The following SH3BP2 variants were observed in gnomAD, a reference collection of about 807,000 sequenced individuals.
SH3BP2 encodes SH3 domain binding protein 2, also known as SH3 domain-binding protein 2.
In SH3BP2, 38 loss-of-function variants were observed where a neutral mutation model predicts 56.2. That is an observed-to-expected ratio of 0.68 (90% CI 0.52 to 0.89). The LOEUF (loss-of-function observed/expected upper bound fraction) is 0.89, where lower values mean the gene tolerates loss of function less well. Ranked by LOEUF, SH3BP2 falls within the 40% of genes least tolerant of loss-of-function variation. SH3BP2 has a pLI of 0.00. For missense variants in SH3BP2, 748 were observed against 762.6 expected, an observed-to-expected ratio of 0.98 and a Z score of 0.23; for synonymous variants, 346 against 316.7, an observed-to-expected ratio of 1.09 and a Z score of -0.98.
At chr4:2,814,009 C>G (rs1192044919) in intron 1 of SH3BP2, among the ~76,000 whole-genome samples, 1 of 152,216 alleles carries the variant, frequency 6.6e-6, no homozygotes, top group East Asian at 1.9e-4. Flanking sequence ...CTGATCACCA[C>G]TAACAGTAAG....
Position 2,839,149 on chromosome 4 carries a change from CTTG to C in SH3BP2, c.*5320_*5322del, listed in dbSNP as rs1725332447. On this transcript the variant is annotated 3_prime_UTR_variant, in exon 13 of 13. Coordinates refer to ENST00000503393, the MANE Select transcript of SH3BP2 (RefSeq NM_001122681.2). ...CTATCATCTTTTGCCCATTTTTTAA[CTTG>C]TTGTCTTTTTCTTTTTCTTTTCTTT... 6.6e-6 allele frequency: 1 copy of C among 150,998 alleles called. No individual in the cohort carries two copies. The highest frequency in any genetic ancestry group is 1.9e-4 in the East Asian group (1 of 5,190). 9.4% of individuals were successfully genotyped at this position (150,998 alleles called of 1,614,324 possible). A position where few individuals can be genotyped will look rare whatever the true frequency, so the allele number is the denominator to read the frequency against.
intron 2 of SH3BP2, among the ~76,000 whole-genome samples, chr4:2,821,949 C>T (rs180913719): frequency 1.3e-4 from 20 of 152,190 alleles, no homozygotes; most frequent in Admixed American, 1.2e-3. Context: ...CTCACTGTAA[C>T]GTCCACCTCC....
intron 1 of SH3BP2, among the ~76,000 whole-genome samples, chr4:2,807,084 C>T (rs1334635795): frequency 3.3e-5 from 5 of 152,242 alleles, no homozygotes; most frequent in African/African-American, 7.2e-5. Flanking sequence ...GAACACACTG[C>T]GTCTTCTGGG....
At position 2,835,094 on chromosome 4, in the gene SH3BP2, CAG is replaced by C. The variant is rs1173584701; in HGVS notation, c.*1261_*1262del. The stretch of plus-strand genomic sequence containing the variant: ...GGCTGGATTTTTAATGAAACAGACT[CAG>C]GGAGGTAGGGGCTGGCAGGGACCCT... On this transcript the variant is annotated 3_prime_UTR_variant, in exon 13 of 13. Transcript: ENST00000503393. The C allele has an allele frequency of 6.6e-6, 1 of 152,212 alleles. No homozygotes were observed. Among genetic ancestry groups the C allele is most frequent in the Non-Finnish European group, 1.5e-5 (1 of 68,040 alleles). The allele number at this position is 152,212 out of a possible 1,614,324, so 9.4% of individuals were successfully genotyped here. A position where few individuals can be genotyped will look rare whatever the true frequency, so the allele number is the denominator to read the frequency against.
chr4:2,794,705 A>G (rs1193918883), intron 1 of SH3BP2, among the ~76,000 whole-genome samples: 1 of 152,228 alleles, frequency 6.6e-6, no homozygotes, highest in African/African-American at 2.4e-5. Flanking sequence ...CTCCAGGATC[A>G]TGGGGGAGCC....
intron 2 of SH3BP2, among the ~76,000 whole-genome samples, chr4:2,821,660 G>T (rs1271274523): frequency 1.3e-5 from 2 of 151,702 alleles, no homozygotes; most frequent in Non-Finnish European, 2.9e-5. Context: ...CCCAGGCTCA[G>T]GTGATCCCCT....
chr4:2,818,712 C>G (rs1222482114), intron 1 of SH3BP2: 2 of 995,288 alleles, frequency 2.0e-6, no homozygotes, highest in African/African-American at 3.5e-5. Flanking sequence ...GCCTTTGTTC[C>G]AAACCTTGGC....
intron 4 of SH3BP2, 120 bp from the exon 5 acceptor site, chr4:2,825,006 C>A: frequency 2.2e-6 from 2 of 917,500 alleles, no homozygotes; most frequent in Non-Finnish European, 3.5e-6. Flanking sequence ...TTGTATCCAG[C>A]CGGGTCGCCT....
intron 3 of SH3BP2, chr4:2,823,546 C>T (rs1724428132): frequency 4.4e-6 from 2 of 455,972 alleles, no homozygotes; most frequent in African/African-American, 4.0e-5. Flanking sequence ...ATGAGCTGCC[C>T]TGGAGGGCCT....
intron 1 of SH3BP2, among the ~76,000 whole-genome samples, chr4:2,806,391 G>C (rs994128684): frequency 6.6e-6 from 1 of 152,164 alleles, no homozygotes; most frequent in Non-Finnish European, 1.5e-5. Context: ...TGGTGGACCC[G>C]GCCCACCCCA....
rs1364685087 is a variant in SH3BP2 at position 2,835,491 on chromosome 4, GATCT to G, written c.*1662_*1665del. On this transcript the variant is annotated 3_prime_UTR_variant, in exon 13 of 13. Transcript: ENST00000503393. The stretch of plus-strand genomic sequence containing the variant: ...GAGCACAGGGAGCTTCTGTTGTTCT[GATCT>G]ATCTCTGGAAAACCAGCCATTCCTC... The G allele has an allele frequency of 1.3e-5, 2 of 152,282 alleles. No homozygotes were observed. The highest frequency in any genetic ancestry group is 2.9e-5 in the Non-Finnish European group (2 of 68,122). The allele number at this position is 152,282 out of a possible 1,614,324, so 9.4% of individuals were successfully genotyped here. A position where few individuals can be genotyped will look rare whatever the true frequency, so the allele number is the denominator to read the frequency against.
Position 2,796,515 on chromosome 4 carries a change from C to T in SH3BP2, c.-5+3377C>T, listed in dbSNP as rs1054514407. 3 of 951,698 alleles carry T rather than the reference C, an allele frequency of 3.2e-6. No homozygotes were observed. The South Asian group carries it at 1.5e-4, about 46-fold the overall frequency. The allele number at this position is 951,698 out of a possible 1,614,324, so 59.0% of individuals were successfully genotyped here. A position where few individuals can be genotyped will look rare whatever the true frequency, so the allele number is the denominator to read the frequency against. ...TCATGGATTCCGGTCACATCTGGTC[C>T]ATCTTTGTCAGCTGGCCTCTGGGAA... On this transcript the variant is annotated intron_variant, in intron 1 of 12. Transcript: ENST00000503393.
At chr4:2,802,199 G>C (rs1723308670) in intron 1 of SH3BP2, among the ~76,000 whole-genome samples, 1 of 152,186 alleles carries the variant, frequency 6.6e-6, no homozygotes, top group Non-Finnish European at 1.5e-5. Context: ...AGGAGTTCAA[G>C]ACCAGCCTGG....
rs540455529 is a variant in SH3BP2, at chr4:2,823,201, C to T, written c.239+164C>T. 3.3e-5 allele frequency among the ~76,000 whole-genome samples: 5 copies of T among 152,340 alleles called. No individual in the cohort carries two copies. In the South Asian group the frequency reaches 8.3e-4, roughly 25 times the overall value. ...CCTCCCCGCCCAGCCTCCACAGTGCCTCGCCCTCTCCGCGTGTCCTGCCCT... is the reference window on the plus strand; with the variant it reads ...CCTCCCCGCCCAGCCTCCACAGTGCTTCGCCCTCTCCGCGTGTCCTGCCCT... On this transcript the variant is annotated intron_variant, in intron 3 of 12. Transcript: ENST00000503393.
chr4:2,833,592 T>C, intron 12 of SH3BP2, 105 bp from the exon 13 acceptor site: 2 of 1,460,898 alleles, frequency 1.4e-6, no homozygotes, highest in Non-Finnish European at 1.9e-6. Context: ...AGCCTGGTGA[T>C]GCCGCTGTTG....
intron 3 of SH3BP2, among the ~76,000 whole-genome samples, chr4:2,823,870 G>A (rs1016800844): frequency 6.6e-6 from 1 of 152,234 alleles, no homozygotes; most frequent in African/African-American, 2.4e-5. Flanking sequence ...CCTTGCCAGA[G>A]CACCCAGCCT....
In SH3BP2 at chr4:2,838,155, A is replaced by G. The variant is rs568866219; in HGVS notation, c.*4321A>G. ...AATAAAACAACATACAGAAAAGTGAATAAAACATAAATGCACAACCTAACA... is the reference window on the plus strand; with the variant it reads ...AATAAAACAACATACAGAAAAGTGAGTAAAACATAAATGCACAACCTAACA... On this transcript the variant is annotated 3_prime_UTR_variant, in exon 13 of 13. Transcript: ENST00000503393. 6.6e-6 allele frequency: 1 copy of G among 152,362 alleles called. No homozygotes were observed. The highest frequency in any genetic ancestry group is 1.9e-4 in the East Asian group (1 of 5,192). The allele number at this position is 152,362 out of a possible 1,614,324, so 9.4% of individuals were successfully genotyped here. A position where few individuals can be genotyped will look rare whatever the true frequency, so the allele number is the denominator to read the frequency against.
intron 1 of SH3BP2, among the ~76,000 whole-genome samples, chr4:2,795,666 G>T (rs1284706321): frequency 1.3e-5 from 2 of 152,220 alleles, no homozygotes; most frequent in African/African-American, 2.4e-5. Flanking sequence ...GGGCCGTCAG[G>T]AGGAGGGATC....
intron 2 of SH3BP2, among the ~76,000 whole-genome samples, chr4:2,822,215 G>A (rs1298442117): frequency 6.9e-6 from 1 of 145,364 alleles, no homozygotes; most frequent in East Asian, 2.0e-4. Context: ...AGTGCAGTGG[G>A]TGCGAACACA....
Sources: allele counts gnomAD v4.1 joint callset (sites outside exome capture counted in the v4.1 genomes callset), GRCh38; gene constraint gnomAD v4.1.1; transcripts MANE v1.5; gene names NCBI Gene and HGNC (gene_info 2026-07-23, HGNC 2026-07-21).